LOC128092252: variants seen among roughly 807,000 people sequenced by gnomAD.
chr15:50,650,497 C>T, the LOC128092252 span, among the ~76,000 whole-genome samples: 14 of 152,034 alleles, frequency 9.2e-5, no homozygotes, highest in Admixed American at 8.5e-4. Context: ...GAGCTCTAGA[C>T]CAGCCTGACC....
the LOC128092252 span, among the ~76,000 whole-genome samples, chr15:50,649,437 C>CA: frequency 0.24 from 22,096 of 92,574 alleles, 2,054 homozygotes; most frequent in Admixed American, 0.37. Context: ...GACCCCAACT[C>CA]AAAAAAAAAA....
At chr15:50,662,283 G>C in the LOC128092252 span, among the ~76,000 whole-genome samples, 2 of 151,436 alleles carry the variant, frequency 1.3e-5, no homozygotes, top group Admixed American at 6.6e-5. Flanking sequence ...AACCCTGGAG[G>C]GAGCTTGTAC....
chr15:50,679,090 T>TTTCACCATGTTGG, the LOC128092252 span, among the ~76,000 whole-genome samples: 1 of 150,374 alleles, frequency 6.7e-6, no homozygotes, highest in African/African-American at 2.5e-5. Context: ...GCCAGGATGG[T>TTTCACCATGTTGG]CTCGATCTCT....
chr15:50,682,107 G>A, the LOC128092252 span, among the ~76,000 whole-genome samples: 1 of 143,274 alleles, frequency 7.0e-6, no homozygotes, highest in African/African-American at 2.7e-5. Flanking sequence ...TAAACTGGAA[G>A]GCACAGTTTG....
At chr15:50,672,610 G>A in the LOC128092252 span, among the ~76,000 whole-genome samples, 1 of 151,854 alleles carries the variant, frequency 6.6e-6, no homozygotes, top group Non-Finnish European at 1.5e-5. Context: ...ATTTTAAAAT[G>A]TTGAAATAGA....
the LOC128092252 span, among the ~76,000 whole-genome samples, chr15:50,666,273 C>A: frequency 1.3e-5 from 2 of 150,436 alleles, no homozygotes; most frequent in East Asian, 2.0e-4. Flanking sequence ...CCCATCTCTA[C>A]GAAAAATACA....
At chr15:50,663,223 G>T in the LOC128092252 span, among the ~76,000 whole-genome samples, 1 of 151,852 alleles carries the variant, frequency 6.6e-6, no homozygotes, top group Non-Finnish European at 1.5e-5. Flanking sequence ...CCGCCTCCCG[G>T]GTTCAAGTGA....
At chr15:50,682,899 CT>C in the LOC128092252 span, among the ~76,000 whole-genome samples, 2,648 of 143,052 alleles carry the variant, frequency 0.019, 61 homozygotes, top group African/African-American at 0.054. Flanking sequence ...CGGTACCAAA[CT>C]TTTTTTTTTT....
At chr15:50,657,141 T>C in the LOC128092252 span, among the ~76,000 whole-genome samples, 1 of 152,072 alleles carries the variant, frequency 6.6e-6, no homozygotes, top group Admixed American at 6.5e-5. Context: ...CTGGCCAACA[T>C]GGTGAAACCC....
the LOC128092252 span, among the ~76,000 whole-genome samples, chr15:50,674,254 G>A: frequency 6.6e-6 from 1 of 152,174 alleles, no homozygotes; most frequent in Non-Finnish European, 1.5e-5. Flanking sequence ...CTCCCAAAGT[G>A]CTAGGATTAC....
the LOC128092252 span, among the ~76,000 whole-genome samples, chr15:50,662,454 T>C: frequency 2.0e-5 from 3 of 152,232 alleles, no homozygotes; most frequent in African/African-American, 7.2e-5. Flanking sequence ...AAAGCCATCT[T>C]AGAGACCAAA....
chr15:50,651,836 G>A, the LOC128092252 span, among the ~76,000 whole-genome samples: 1 of 151,936 alleles, frequency 6.6e-6, no homozygotes, highest in Non-Finnish European at 1.5e-5. Context: ...GCAGTGAGCT[G>A]AGATCGCGCC....
At chr15:50,674,010 A>G in the LOC128092252 span, among the ~76,000 whole-genome samples, 1 of 152,208 alleles carries the variant, frequency 6.6e-6, no homozygotes, top group South Asian at 2.1e-4. Context: ...GTTTCTTGAG[A>G]TGGAGTTTTA....
the LOC128092252 span, among the ~76,000 whole-genome samples, chr15:50,682,206 C>CAAA: frequency 8.5e-5 from 10 of 117,892 alleles, no homozygotes; most frequent in African/African-American, 3.0e-4. Context: ...TGTGACCTGG[C>CAAA]AAAAATATGT....
chr15:50,648,998 T>C, the LOC128092252 span: 1 of 696,892 alleles, frequency 1.4e-6, no homozygotes, highest in Admixed American at 3.6e-5. Flanking sequence ...TTATATTTTA[T>C]ATAAGTATAA....
the LOC128092252 span, among the ~76,000 whole-genome samples, chr15:50,675,327 G>C: frequency 4.0e-5 from 6 of 149,872 alleles, no homozygotes; most frequent in Non-Finnish European, 7.4e-5. Context: ...CAGGCGACAA[G>C]AGCAAAATTC....
the LOC128092252 span, among the ~76,000 whole-genome samples, chr15:50,672,079 C>T: frequency 2.0e-3 from 301 of 152,032 alleles, 1 homozygote; most frequent in African/African-American, 6.4e-3. Context: ...TTTTTTGAGA[C>T]GGAGTCTCAC....
the LOC128092252 span, among the ~76,000 whole-genome samples, chr15:50,685,123 T>C: frequency 6.6e-6 from 1 of 152,192 alleles, no homozygotes; most frequent in Non-Finnish European, 1.5e-5. Flanking sequence ...AACTGGCCAA[T>C]GGGTATATGG....
chr15:50,683,128 T>A, the LOC128092252 span, among the ~76,000 whole-genome samples: 55 of 151,546 alleles, frequency 3.6e-4, no homozygotes, highest in Admixed American at 2.8e-3. Context: ...GCTCAAGGGA[T>A]CCACCCGCCT....
Sources: allele counts gnomAD v4.1 joint callset (sites outside exome capture counted in the v4.1 genomes callset), GRCh38; gene constraint gnomAD v4.1.1; transcripts MANE v1.5.